Variants in CHRNA7 observed in about 807,000 individuals in gnomAD.
CHRNA7 encodes the protein neuronal acetylcholine receptor subunit alpha-7.
In CHRNA7, 17 loss-of-function variants were observed where a neutral mutation model predicts 48.0. That is an observed-to-expected ratio of 0.35 (90% CI 0.24 to 0.53). CHRNA7 has a LOEUF of 0.53. CHRNA7 is among the 20% of genes least tolerant of loss of function. CHRNA7 has a pLI of 0.92. For missense variants in CHRNA7, 155 were observed against 577.7 expected (o/e 0.27, Z 7.50); for synonymous variants, 75 against 242.3 (o/e 0.31, Z 6.41).
At chr15:32,043,669 G>A (rs1287433078) in intron 2 of CHRNA7, among the ~76,000 whole-genome samples, 2 of 151,992 alleles carry the variant, frequency 1.3e-5, no homozygotes, top group African/African-American at 4.8e-5. Context: ...TACTGTTATT[G>A]TCATATATTT....
chr15:32,118,152 GA>G (rs1356937811), intron 4 of CHRNA7, among the ~76,000 whole-genome samples: 2 of 152,148 alleles, frequency 1.3e-5, no homozygotes, highest in Non-Finnish European at 2.9e-5. Context: ...AGAGAGGCCT[GA>G]GCCAGCACCT....
At chr15:32,136,721 A>C (rs947910578) in intron 4 of CHRNA7, among the ~76,000 whole-genome samples, 5 of 151,242 alleles carry the variant, frequency 3.3e-5, no homozygotes, top group Non-Finnish European at 7.4e-5. Context: ...GTAGGGGTCG[A>C]ATGGGGAAGG....
intron 4 of CHRNA7, among the ~76,000 whole-genome samples, chr15:32,143,396 T>A (rs2051422112): frequency 1.3e-5 from 2 of 152,242 alleles, no homozygotes; most frequent in Non-Finnish European, 2.9e-5. Flanking sequence ...ATGCATATCC[T>A]GTTGATTTGG....
rs528384977 is a variant in CHRNA7 at position 32,043,515 on chromosome 15, A to C, written c.195+12478A>C. Among the ~76,000 whole-genome samples, 4 of 151,654 alleles carry C rather than the reference A, an allele frequency of 2.6e-5. No homozygotes were observed. The East Asian group carries it at 7.7e-4, about 29-fold the overall frequency. ...TTTCTCTTCTATTAGTTTGTTAGTC[A>C]TATTTCTTTCTTTTTGTCTTACAGT... is the stretch of plus-strand genomic sequence containing the variant. On this transcript the variant is annotated intron_variant, in intron 2 of 9. Coordinates refer to ENST00000306901, the MANE Select transcript of CHRNA7 (RefSeq NM_000746.6).
intron 2 of CHRNA7, among the ~76,000 whole-genome samples, chr15:32,094,908 A>G (rs977767502): frequency 1.3e-5 from 2 of 152,184 alleles, no homozygotes; most frequent in East Asian, 3.9e-4. Context: ...TCGGCCTCCC[A>G]AAGTGCTGGA....
Position 32,030,573 on chromosome 15 carries a change from C to T in CHRNA7, c.-22C>T. On this transcript the variant is annotated 5_prime_UTR_variant, in exon 1 of 10. Coordinates refer to ENST00000306901, the MANE Select transcript of CHRNA7 (RefSeq NM_000746.6). ...AGCCGAGACGTGGAGCGCGCCGGCT[C>T]GCTGCAGCTCCGGGACTCAACATGC... 2 of 1,481,702 alleles carry T rather than the reference C, an allele frequency of 1.3e-6. No individual in the cohort carries two copies. Among genetic ancestry groups the T allele is most frequent in the Non-Finnish European group, 1.8e-6 (2 of 1,122,566 alleles). 91.8% of individuals were successfully genotyped at this position (1,481,702 alleles called of 1,614,324 possible). A position where few individuals can be genotyped will look rare whatever the true frequency, so the allele number is the denominator to read the frequency against.
chr15:32,040,809 C>T (rs1169082036), intron 2 of CHRNA7, among the ~76,000 whole-genome samples: 1 of 151,808 alleles, frequency 6.6e-6, no homozygotes, highest in Non-Finnish European at 1.5e-5. Context: ...CAACCTGTAT[C>T]GTTTCCCTTT....
intron 4 of CHRNA7, among the ~76,000 whole-genome samples, chr15:32,125,097 C>T (rs567894858): frequency 1.5e-4 from 23 of 152,196 alleles, no homozygotes; most frequent in African/African-American, 4.8e-4. Flanking sequence ...CTAAATATTA[C>T]GAGAAAGAAA....
chr15:32,131,277 T>C (rs765554636), intron 4 of CHRNA7, among the ~76,000 whole-genome samples: 11 of 152,212 alleles, frequency 7.2e-5, no homozygotes, highest in Non-Finnish European at 1.2e-4. Context: ...ATTCTCATTT[T>C]CTTTCTCTTC....
chr15:32,053,774 C>G (rs1182619259), intron 2 of CHRNA7, among the ~76,000 whole-genome samples: 1 of 152,164 alleles, frequency 6.6e-6, no homozygotes, highest in Admixed American at 6.5e-5. Flanking sequence ...TATACAAAAT[C>G]TTGTATTACG....
intron 2 of CHRNA7, among the ~76,000 whole-genome samples, chr15:32,080,611 CAGAA>C: frequency 6.6e-6 from 1 of 152,082 alleles, no homozygotes; most frequent in Non-Finnish European, 1.5e-5. Flanking sequence ...TCATGCCAGT[CAGAA>C]TGGCGATTAT....
intron 2 of CHRNA7, among the ~76,000 whole-genome samples, chr15:32,081,490 C>T (rs7179733): frequency 0.45 from 67,981 of 151,626 alleles, 17,662 homozygotes; most frequent in South Asian, 0.66. Context: ...ATAGTGTGTC[C>T]CAGTGGAACT....
chr15:32,076,397 C>T (rs531496306), intron 2 of CHRNA7, among the ~76,000 whole-genome samples: 5 of 152,264 alleles, frequency 3.3e-5, no homozygotes, highest in South Asian at 2.1e-4. Context: ...GCCTGTTTAT[C>T]GTCAGATATT....
At chr15:32,115,447 G>T (rs768555042) in intron 4 of CHRNA7, among the ~76,000 whole-genome samples, 2 of 152,016 alleles carry the variant, frequency 1.3e-5, no homozygotes, top group African/African-American at 2.4e-5. Flanking sequence ...TCCCCTTCCT[G>T]CCTGGACACA....
At chr15:32,080,300 G>A (rs1002069130) in intron 2 of CHRNA7, among the ~76,000 whole-genome samples, 1 of 152,060 alleles carries the variant, frequency 6.6e-6, no homozygotes, top group Non-Finnish European at 1.5e-5. Context: ...ATTAACAAAT[G>A]GGATCTAACT....
chr15:32,047,377 G>A lies in CHRNA7; in HGVS notation c.195+16340G>A, dbSNP rs1595381891. ...AGTGGTTTGTAGTTCTCCTTGAAGA[G>A]GTCCTTCACATCCCTTGTAAGGTGG... On this transcript the variant is annotated intron_variant, in intron 2 of 9. Transcript: ENST00000306901. Among the ~76,000 whole-genome samples, 4 of 150,812 alleles carry A rather than the reference G, an allele frequency of 2.7e-5. No homozygotes were observed. In the East Asian group the frequency reaches 7.9e-4, roughly 30 times the overall value.
chr15:32,044,656 C>A (rs1379493562), intron 2 of CHRNA7, among the ~76,000 whole-genome samples: 1 of 152,230 alleles, frequency 6.6e-6, no homozygotes, highest in Admixed American at 6.5e-5. Flanking sequence ...TTCACCACAG[C>A]TTTCACTTTA....
chr15:32,157,100 AT>A lies in CHRNA7; in HGVS notation c.431-506del, dbSNP rs1053150564. 2.9e-4 allele frequency: 22 copies of A among 75,686 alleles called. 4 individuals are homozygous for A. Among genetic ancestry groups the A allele is most frequent in the South Asian group, 1.5e-3 (4 of 2,702 alleles). 4.7% of individuals were successfully genotyped at this position (75,686 alleles called of 1,614,324 possible). ...TCATCTAGAATTTAAATTAGTTAAA[AT>A]TCTAGCTTTAACCAGAATTCTAGAT... is the stretch of plus-strand genomic sequence containing the variant. On this transcript the variant is annotated intron_variant, in intron 5 of 9. Transcript: ENST00000306901.
At chr15:32,096,611 GCTT>G (rs2050473330) in intron 2 of CHRNA7, among the ~76,000 whole-genome samples, 1 of 148,238 alleles carries the variant, frequency 6.7e-6, no homozygotes, top group Non-Finnish European at 1.5e-5. Flanking sequence ...TTATGTTTTT[GCTT>G]TTTTTTTTTT....
Sources: gnomAD v4.1 joint callset for allele counts (sites outside exome capture counted in the v4.1 genomes callset) on GRCh38, gnomAD v4.1.1 for gene constraint, MANE v1.5 for transcripts, NCBI Gene and HGNC (gene_info 2026-07-23, HGNC 2026-07-21) for gene names.